Variants in MYLK4 observed in about 807,000 individuals in gnomAD.
The protein encoded by MYLK4 is caMLCK like.
In MYLK4, 46 loss-of-function variants were observed where a neutral mutation model predicts 48.1. The ratio of observed to expected loss-of-function variants is 0.96; its 90% confidence interval spans 0.75 to 1.22. The LOEUF is 1.22. Among genes scored for constraint, MYLK4 ranks in the 50% most tolerant of loss-of-function variants. MYLK4 has a pLI of 0.00. For missense variants in MYLK4, 451 were observed against 486.1 expected (o/e 0.93, Z 0.68); for synonymous variants, 170 against 180.8 (o/e 0.94, Z 0.48).
Position 2,705,828 on chromosome 6 carries a change from T to A in MYLK4, c.160-12969A>T, listed in dbSNP as rs1762466689. On this transcript the variant is annotated intron_variant, in intron 2 of 12. Coordinates refer to ENST00000274643, the MANE Select transcript of MYLK4 (RefSeq NM_001012418.5). ...TGTTTTGTATTCCCAACCATACAAT[T>A]TACCACAAAAGAACATAGTATTTTA... 3.3e-5 allele frequency among the ~76,000 whole-genome samples: 5 copies of A among 151,958 alleles called. No homozygotes were observed. In the South Asian group the frequency reaches 1.0e-3, roughly 32 times the overall value.
the MYLK4 span, chr6:2,765,853 C>G: frequency 3.5e-6 from 5 of 1,422,868 alleles, no homozygotes; most frequent in East Asian, 3.1e-5. Flanking sequence ...TGTCGGAGAG[C>G]TCGGCGCTGA....
intron 2 of MYLK4, among the ~76,000 whole-genome samples, chr6:2,735,938 A>T (rs1473668811): frequency 6.6e-6 from 1 of 152,200 alleles, no homozygotes; most frequent in Non-Finnish European, 1.5e-5. Flanking sequence ...TTATTACACC[A>T]ATTTGGTGAA....
rs911445234 is a variant in MYLK4 at position 2,680,527 on chromosome 6, A to G, written c.688-236T>C. On this transcript the variant is annotated intron_variant, in intron 7 of 12. Transcript: ENST00000274643. ...CCTCTGCACGGCTTCACAGTTCACC[A>G]TAATGCCTGAGTTCAGGCAGAGGCC... 3.5e-5 allele frequency: 34 copies of G among 985,314 alleles called. No homozygotes were observed. The African/African-American group carries it at 5.1e-4, about 15-fold the overall frequency. The allele number at this position is 985,314 out of a possible 1,614,324, so 61.0% of individuals were successfully genotyped here.
chr6:2,707,528 C>T (rs887560285), intron 2 of MYLK4, among the ~76,000 whole-genome samples: 3 of 152,148 alleles, frequency 2.0e-5, no homozygotes, highest in African/African-American at 7.2e-5. Context: ...TATTCACCCC[C>T]ACAAAATTAA....
chr6:2,724,009 T>C (rs988451560), intron 2 of MYLK4, among the ~76,000 whole-genome samples: 1 of 152,058 alleles, frequency 6.6e-6, no homozygotes, highest in Non-Finnish European at 1.5e-5. Context: ...CCCAAGTAAC[T>C]GGGATTACAG....
At chr6:2,698,162 C>A (rs1030279331) in intron 2 of MYLK4, among the ~76,000 whole-genome samples, 1 of 152,132 alleles carries the variant, frequency 6.6e-6, no homozygotes. Flanking sequence ...GCAAACAGGC[C>A]AGATAGAAGA....
chr6:2,700,434 T>A (rs1321887739), intron 2 of MYLK4, among the ~76,000 whole-genome samples: 1 of 152,166 alleles, frequency 6.6e-6, no homozygotes, highest in Non-Finnish European at 1.5e-5. Flanking sequence ...TCGCCTCCGG[T>A]CACTCTGGCC....
chr6:2,741,565 T>C lies in MYLK4; in HGVS notation c.159+7571A>G, dbSNP rs148212746. On this transcript the variant is annotated intron_variant, in intron 2 of 12. Transcript: ENST00000274643. ...AAAACCTTTTTACTGCTCTCTGTCT[T>C]GAATGGATATAGAGCACATTCATAT... Among the ~76,000 whole-genome samples the C allele has an allele frequency of 1.6e-4, 25 of 152,326 alleles. No individual in the cohort carries two copies. In the East Asian group the frequency reaches 4.2e-3, roughly 26 times the overall value.
At chr6:2,725,380 C>T (rs760354442) in intron 2 of MYLK4, among the ~76,000 whole-genome samples, 1 of 151,904 alleles carries the variant, frequency 6.6e-6, no homozygotes, top group African/African-American at 2.4e-5. Context: ...GTAGGAGGAT[C>T]GCTTGAGCTC....
intron 2 of MYLK4, among the ~76,000 whole-genome samples, chr6:2,745,047 G>A (rs947167533): frequency 1.3e-5 from 2 of 152,174 alleles, no homozygotes; most frequent in Non-Finnish European, 2.9e-5. Context: ...AGGCAGGTGG[G>A]GAAAACCAAC....
At chr6:2,745,487 T>C (rs1169561257) in intron 2 of MYLK4, among the ~76,000 whole-genome samples, 1 of 152,178 alleles carries the variant, frequency 6.6e-6, no homozygotes, top group Non-Finnish European at 1.5e-5. Flanking sequence ...TGTACGTATG[T>C]TTAGATCTAG....
At chr6:2,764,803 C>T in the MYLK4 span, among the ~76,000 whole-genome samples, 13 of 152,176 alleles carry the variant, frequency 8.5e-5, no homozygotes, top group African/African-American at 2.9e-4. Context: ...TAAACGCCAA[C>T]ACATCTAAAA....
intron 12 of MYLK4, among the ~76,000 whole-genome samples, chr6:2,669,372 G>A (rs765267703): frequency 1.3e-5 from 2 of 152,168 alleles, no homozygotes; most frequent in Non-Finnish European, 2.9e-5. Context: ...TTGGGTTCGA[G>A]GCACCCATGT....
upstream of MYLK4, among the ~76,000 whole-genome samples, chr6:2,754,747 A>G (rs1465434046): frequency 6.6e-6 from 1 of 152,180 alleles, no homozygotes; most frequent in Non-Finnish European, 1.5e-5. Flanking sequence ...AAAACTGAAC[A>G]CTTTGTGGTC....
At chr6:2,674,980 C>A in intron 11 of MYLK4, 67 bp downstream of exon 11, 1 of 1,078,808 alleles carries the variant, frequency 9.3e-7, no homozygotes, top group South Asian at 1.3e-5. Flanking sequence ...TAAGATGACT[C>A]CAGCATCTGA....
intron 3 of MYLK4, among the ~76,000 whole-genome samples, chr6:2,690,642 C>T (rs983882583): frequency 1.3e-5 from 2 of 151,952 alleles, no homozygotes; most frequent in Non-Finnish European, 2.9e-5. Flanking sequence ...TGTAGAGAAC[C>T]AGGGTCCCAG....
At chr6:2,752,581 G>A (rs1764323387), upstream of MYLK4, among the ~76,000 whole-genome samples, 2 of 152,168 alleles carry the variant, frequency 1.3e-5, no homozygotes. Flanking sequence ...GGAGACGGCT[G>A]TGGGAAGGGC....
upstream of MYLK4, among the ~76,000 whole-genome samples, chr6:2,755,840 G>C (rs1391857150): frequency 6.6e-6 from 1 of 152,148 alleles, no homozygotes; most frequent in Non-Finnish European, 1.5e-5. Context: ...TCCTGATTGT[G>C]TCTTCATGCT....
In MYLK4 at chr6:2,749,298, A is replaced by C; in HGVS notation, c.-4T>G. 6.2e-7 allele frequency: 1 copy of C among 1,611,900 alleles called. No individual in the cohort carries two copies. The highest frequency in any genetic ancestry group is 1.1e-5 in the South Asian group (1 of 90,816). ...CCAGCCTCTTCACTTTTAACATCTTAGTAGTGAGTCCGATTAAGCTACTTT... is the reference window on the plus strand; with the variant it reads ...CCAGCCTCTTCACTTTTAACATCTTCGTAGTGAGTCCGATTAAGCTACTTT... On this transcript the variant is annotated 5_prime_UTR_variant, in exon 2 of 13. Coordinates refer to ENST00000274643, the MANE Select transcript of MYLK4 (RefSeq NM_001012418.5).
Sources: gnomAD v4.1 joint callset for allele counts (sites outside exome capture counted in the v4.1 genomes callset) on GRCh38, gnomAD v4.1.1 for gene constraint, MANE v1.5 for transcripts, NCBI Gene and HGNC (gene_info 2026-07-23, HGNC 2026-07-21) for gene names.